The following KAZN variants were observed in gnomAD, a reference collection of about 807,000 sequenced individuals.
KAZN encodes kazrin.
In KAZN, 40 loss-of-function variants were observed where a neutral mutation model predicts 87.4. The observed-to-expected ratio is 0.46, with a 90% CI of 0.36 to 0.60. KAZN has a LOEUF of 0.60. Among genes scored for constraint, KAZN ranks in the 20% least tolerant of loss-of-function variants. KAZN has a pLI of 0.00. For missense variants in KAZN, 898 were observed against 1,073.9 expected (o/e 0.84, Z 2.29); for synonymous variants, 466 against 458.3 (o/e 1.02, Z -0.22).
chr1:14,962,134 C>CA (rs1663943912), intron 2 of KAZN, among the ~76,000 whole-genome samples: 1 of 152,232 alleles, frequency 6.6e-6, no homozygotes. Flanking sequence ...AATTCCCTGA[C>CA]AAGGGGTGTG....
intron 1 of KAZN, among the ~76,000 whole-genome samples, chr1:14,617,210 T>C (rs1437838462): frequency 6.6e-6 from 1 of 152,212 alleles, no homozygotes; most frequent in Non-Finnish European, 1.5e-5. Context: ...TTCAGAGATA[T>C]TGCAGGTTCC....
intron 2 of KAZN, among the ~76,000 whole-genome samples, chr1:14,360,740 C>G (rs562512805): frequency 3.2e-4 from 48 of 152,310 alleles, no homozygotes; most frequent in African/African-American, 1.1e-3. Flanking sequence ...TCACTCCAGA[C>G]CCTCTTTGCC....
rs188880609 is a variant in KAZN at position 14,320,514 on chromosome 1, C to T, written c.249+139922C>T. ...TTTCTCTACCCTACACACCTGCAAC[C>T]CCCCATTGCTCCATAATTTCAGTAT... On this transcript the variant is annotated intron_variant, in intron 2 of 16. Coordinates refer to the KAZN transcript ENST00000636203. 2.1e-3 allele frequency among the ~76,000 whole-genome samples: 326 copies of T among 152,126 alleles called. 1 individual carries two copies. Among genetic ancestry groups the T allele is most frequent in the Admixed American group, 4.0e-3 (61 of 15,258 alleles).
At chr1:14,511,385 C>T (rs1486284949) in intron 2 of KAZN, among the ~76,000 whole-genome samples, 4 of 152,122 alleles carry the variant, frequency 2.6e-5, no homozygotes, top group Non-Finnish European at 5.9e-5. Context: ...ATTGCCAGCC[C>T]CAATCACTTC....
chr1:14,152,031 A>G (rs976000064), intron 1 of KAZN, among the ~76,000 whole-genome samples: 6 of 152,184 alleles, frequency 3.9e-5, no homozygotes, highest in African/African-American at 1.2e-4. Flanking sequence ...AAAATATTTT[A>G]ATTTTAATTT....
rs546894879 is a variant in KAZN, at chr1:14,389,187, A to G, written c.249+208595A>G. On this transcript the variant is annotated intron_variant, in intron 2 of 16. Transcript: ENST00000636203. ...CCTCTGCTAAAATGGCTTTTCTCCA[A>G]AAGTCAGGCAATAACAAATGCTGGT... Among the ~76,000 whole-genome samples the G allele has an allele frequency of 9.2e-5, 14 of 152,364 alleles. No individual in the cohort carries two copies. In the South Asian group the frequency reaches 2.9e-3, roughly 32 times the overall value.
chr1:14,195,182 A>G lies in KAZN; in HGVS notation c.249+14590A>G, dbSNP rs111733542. Among the ~76,000 whole-genome samples, 124 of 152,108 alleles carry G rather than the reference A, an allele frequency of 8.2e-4. 1 individual carries two copies. Among genetic ancestry groups the G allele is most frequent in the African/African-American group, 2.9e-3 (120 of 41,490 alleles). On this transcript the variant is annotated intron_variant, in intron 2 of 16. Transcript: ENST00000636203. ...TCTGAAATTTTCCCTTCATTAATGGAGTGTTTCTAATTCACTGATAAGGCT... is the reference window on the plus strand; with the variant it reads ...TCTGAAATTTTCCCTTCATTAATGGGGTGTTTCTAATTCACTGATAAGGCT...
chr1:14,843,387 G>A (rs1648264320), intron 1 of KAZN, among the ~76,000 whole-genome samples: 1 of 152,244 alleles, frequency 6.6e-6, no homozygotes, highest in Non-Finnish European at 1.5e-5. Context: ...AAGGATGGCA[G>A]GGAGGGAGTC....
intron 1 of KAZN, among the ~76,000 whole-genome samples, chr1:14,774,205 T>C (rs74612978): frequency 0.027 from 4,047 of 152,234 alleles, 172 homozygotes; most frequent in African/African-American, 0.091. Flanking sequence ...TAGAGTCTGA[T>C]AGAAAGTAGA....
chr1:13,897,228 C>A (rs7522358), intron 1 of KAZN, among the ~76,000 whole-genome samples: 2 of 151,970 alleles, frequency 1.3e-5, no homozygotes, highest in Non-Finnish European at 2.9e-5. Flanking sequence ...TGAAACCATG[C>A]GAACCATAAA....
At chr1:14,702,764 T>G (rs4661299) in intron 1 of KAZN, among the ~76,000 whole-genome samples, 65,048 of 152,038 alleles carry the variant, frequency 0.43, 15,526 homozygotes, top group South Asian at 0.58. Context: ...CCTTTCGCCA[T>G]GCTCTGTGAA....
Position 14,880,467 on chromosome 1 carries a change from T to C in KAZN, c.227-80217T>C, listed in dbSNP as rs140338425. 2.8e-3 allele frequency among the ~76,000 whole-genome samples: 426 copies of C among 152,282 alleles called. 5 individuals carry two copies. The highest frequency in any genetic ancestry group is 9.8e-3 in the African/African-American group (407 of 41,554). ...TGAGTATAAAACACTAATTTGAACATGCTCATGGGTTTTGTGGGTCAGGGA... is the reference window on the plus strand; with the variant it reads ...TGAGTATAAAACACTAATTTGAACACGCTCATGGGTTTTGTGGGTCAGGGA... On this transcript the variant is annotated intron_variant, in intron 1 of 14. Transcript: ENST00000376030.
intron 2 of KAZN, among the ~76,000 whole-genome samples, chr1:15,001,546 GC>G (rs1201261020): frequency 2.0e-5 from 3 of 151,954 alleles, no homozygotes; most frequent in African/African-American, 7.2e-5. Context: ...AAGAGCAGCA[GC>G]CCCTACTCCC....
rs147341878 is a variant in KAZN, at chr1:14,787,650, C to T, written c.227-173034C>T. On this transcript the variant is annotated intron_variant, in intron 1 of 14. Transcript: ENST00000376030. Reference sequence around the variant, plus strand: ...TACTTTGTCGAGCCTCTGCCTTGTACGACTCCAGGGGCATCACTCACAGAG... The same window carrying T: ...TACTTTGTCGAGCCTCTGCCTTGTATGACTCCAGGGGCATCACTCACAGAG... Among the ~76,000 whole-genome samples, 67 of 152,310 alleles carry T rather than the reference C, an allele frequency of 4.4e-4. 1 individual carries two copies. The East Asian group carries it at 0.012, about 27-fold the overall frequency.
At chr1:14,148,913 G>C (rs895295739) in intron 1 of KAZN, among the ~76,000 whole-genome samples, 1 of 152,058 alleles carries the variant, frequency 6.6e-6, no homozygotes, top group African/African-American at 2.4e-5. Flanking sequence ...CTTTTTGCTT[G>C]ATTGGATTTT....
chr1:13,965,706 C>T (rs1278330526), intron 1 of KAZN, among the ~76,000 whole-genome samples: 1 of 152,206 alleles, frequency 6.6e-6, no homozygotes, highest in Non-Finnish European at 1.5e-5. Flanking sequence ...GCAGCGACTT[C>T]TGCTGTGAAG....
At chr1:13,997,192 C>T (rs1639565487) in intron 1 of KAZN, among the ~76,000 whole-genome samples, 2 of 151,710 alleles carry the variant, frequency 1.3e-5, no homozygotes, top group African/African-American at 4.8e-5. Context: ...ACAACAACAA[C>T]AACCCCCACA....
chr1:14,133,632 C>A (rs1645045828), intron 1 of KAZN, among the ~76,000 whole-genome samples: 1 of 151,964 alleles, frequency 6.6e-6, no homozygotes, highest in Non-Finnish European at 1.5e-5. Flanking sequence ...GGGATGGATG[C>A]GTGGTGAAAT....
At chr1:14,394,006 G>A (rs900894642) in intron 2 of KAZN, among the ~76,000 whole-genome samples, 1 of 152,156 alleles carries the variant, frequency 6.6e-6, no homozygotes, top group South Asian at 2.1e-4. Context: ...ATCAAAGGCA[G>A]GCAGCCTTGA....
Sources: gnomAD v4.1 joint callset for allele counts (sites outside exome capture counted in the v4.1 genomes callset) on GRCh38, gnomAD v4.1.1 for gene constraint, MANE v1.5 for transcripts, NCBI Gene and HGNC (gene_info 2026-07-23, HGNC 2026-07-21) for gene names.